The following PTPN3 variants were observed in gnomAD, a reference collection of about 807,000 sequenced individuals.
PTPN3 encodes the protein tyrosine-protein phosphatase non-receptor type 3.
In PTPN3, 96 loss-of-function variants were observed where a neutral mutation model predicts 132.7. The ratio of observed to expected loss-of-function variants is 0.72; its 90% CI spans 0.61 to 0.86. The LOEUF is 0.86. Among genes scored for constraint, PTPN3 ranks in the 40% least tolerant of loss-of-function variants. The pLI is 0.00. For synonymous variants in PTPN3, 398 were observed against 429.0 expected (o/e 0.93, Z 0.89); for missense variants, 1,125 against 1,159.6 (o/e 0.97, Z 0.43).
intron 20 of PTPN3, 68 bp from the exon 21 acceptor site, chr9:109,391,267 T>C (rs1169920956): frequency 4.7e-6 from 7 of 1,479,340 alleles, no homozygotes; most frequent in Non-Finnish European, 5.6e-6. Context: ...TAAACCAGAG[T>C]TCAGTTCCCA....
intron 2 of PTPN3, among the ~76,000 whole-genome samples, chr9:109,459,954 T>G (rs1315389652): frequency 6.6e-6 from 1 of 152,038 alleles, no homozygotes; most frequent in Non-Finnish European, 1.5e-5. Context: ...AGTTTCAAGC[T>G]TGAAATCCCA....
the PTPN3 span, among the ~76,000 whole-genome samples, chr9:109,533,215 G>T: frequency 1.5e-5 from 2 of 136,464 alleles, no homozygotes; most frequent in Admixed American, 1.7e-4. Context: ...CGCAATCTCG[G>T]CTCACTGCAA....
At chr9:109,436,862 A>C (rs1194395878) in intron 9 of PTPN3, 21 bp downstream of exon 9, 8 of 1,602,098 alleles carry the variant, frequency 5.0e-6, no homozygotes, top group Non-Finnish European at 6.8e-6. Flanking sequence ...GTTTGAGCCA[A>C]GACATAACAA....
At chr9:109,513,093 C>T in the PTPN3 span, among the ~76,000 whole-genome samples, 3 of 152,254 alleles carry the variant, frequency 2.0e-5, no homozygotes, top group Non-Finnish European at 4.4e-5. Flanking sequence ...ACTGCAGCCT[C>T]AACCTCCTGG....
chr9:109,429,116 G>T (rs951629796), intron 10 of PTPN3: 15 of 939,378 alleles, frequency 1.6e-5, no homozygotes, highest in African/African-American at 8.9e-5. Flanking sequence ...ACATTTGCAA[G>T]ATAACAGAAT....
At chr9:109,418,286 A>G (rs1169736813) in intron 14 of PTPN3, among the ~76,000 whole-genome samples, 3 of 152,224 alleles carry the variant, frequency 2.0e-5, no homozygotes, top group Non-Finnish European at 2.9e-5. Context: ...AAGGATGTAT[A>G]AAGTGTGCCG....
intron 1 of PTPN3, among the ~76,000 whole-genome samples, chr9:109,483,223 C>T (rs2132105968): frequency 6.6e-6 from 1 of 152,362 alleles, no homozygotes; most frequent in East Asian, 1.9e-4. Flanking sequence ...TATGCGAGTA[C>T]CCTTTAGACC....
Position 109,473,367 on chromosome 9 carries a change from G to A in PTPN3, c.-17-9916C>T, listed in dbSNP as rs980407583. On this transcript the variant is annotated intron_variant, in intron 1 of 25. Coordinates refer to ENST00000374541, the MANE Select transcript of PTPN3 (RefSeq NM_002829.4). ...GTAATTACTGGCCTTCTTTTCATAC[G>A]ACTTCAAAATGTCAAATAGTTTTCT... Among the ~76,000 whole-genome samples the A allele has an allele frequency of 2.0e-5, 3 of 152,132 alleles. No individual in the cohort carries two copies. The East Asian group carries it at 5.8e-4, about 29-fold the overall frequency.
chr9:109,470,195 C>T (rs371626648), intron 1 of PTPN3, among the ~76,000 whole-genome samples: 2 of 152,180 alleles, frequency 1.3e-5, no homozygotes, highest in South Asian at 2.1e-4. Context: ...CAATATTTAA[C>T]GTATTGCAGA....
chr9:109,534,466 C>A, the PTPN3 span: 5,903 of 1,146,538 alleles, frequency 5.1e-3, 25 homozygotes, highest in Non-Finnish European at 6.4e-3. Flanking sequence ...CGCTACCGAT[C>A]GAACTCTTGG....
intron 2 of PTPN3, among the ~76,000 whole-genome samples, chr9:109,458,604 A>G (rs957063585): frequency 4.6e-5 from 7 of 152,208 alleles, no homozygotes; most frequent in Non-Finnish European, 1.0e-4. Flanking sequence ...TCTTTGGGGC[A>G]GCCTCAGATT....
chr9:109,387,779 G>A (rs906051311), intron 22 of PTPN3, among the ~76,000 whole-genome samples: 1 of 152,112 alleles, frequency 6.6e-6, no homozygotes, highest in Non-Finnish European at 1.5e-5. Flanking sequence ...ACGTGTAGTA[G>A]CAAAAAATGA....
chr9:109,379,859 C>A (rs1252734576), intron 25 of PTPN3, among the ~76,000 whole-genome samples: 1 of 152,188 alleles, frequency 6.6e-6, no homozygotes, highest in Admixed American at 6.5e-5. Flanking sequence ...GAGGGAGAAA[C>A]TGGCGGTCTG....
intron 2 of PTPN3, among the ~76,000 whole-genome samples, chr9:109,460,261 C>T (rs1021700032): frequency 6.6e-6 from 1 of 152,184 alleles, no homozygotes; most frequent in Non-Finnish European, 1.5e-5. Flanking sequence ...TCAGCAAACC[C>T]TATTGACTCC....
intron 10 of PTPN3, chr9:109,429,038 A>G: frequency 1.0e-6 from 1 of 985,446 alleles, no homozygotes; most frequent in Non-Finnish European, 1.2e-6. Context: ...GGAGCAGCTG[A>G]AAGAGGACAG....
intron 19 of PTPN3, among the ~76,000 whole-genome samples, chr9:109,393,112 C>T (rs1414778283): frequency 2.0e-5 from 3 of 152,124 alleles, no homozygotes; most frequent in African/African-American, 7.2e-5. Context: ...CTAATTTGGC[C>T]GTGGAAAATC....
In PTPN3 at chr9:109,420,468, T is replaced by C. The variant is rs1350147844; in HGVS notation, c.1269A>G (p.Gln423=). The change falls in exon 14 of 26, where the codon CAA becomes CAG. Residue 423 remains glutamine (Q), a synonymous_variant. Coordinates refer to ENST00000374541, the MANE Select transcript of PTPN3 (RefSeq NM_002829.4). The part of the protein sequence containing the change: ...FYTYKGSLAP[Q]DSDSEVSQNR... ...TCTGAGAAACTTCAGAATCGCTGTCTTGAGGGGCCAGAGAGCCCTTGTACG... is the reference window on the plus strand; with the variant it reads ...TCTGAGAAACTTCAGAATCGCTGTCCTGAGGGGCCAGAGAGCCCTTGTACG... 2 of 1,612,108 alleles carry C rather than the reference T, an allele frequency of 1.2e-6. No homozygotes were observed. Among genetic ancestry groups the C allele is most frequent in the Non-Finnish European group, 1.7e-6 (2 of 1,178,606 alleles).
At chr9:109,465,706 C>CAAAA (rs34634972) in intron 1 of PTPN3, among the ~76,000 whole-genome samples, 942 of 63,516 alleles carry the variant, frequency 0.015, 26 homozygotes, top group Middle Eastern at 0.026. Context: ...AACTCTGTCT[C>CAAAA]AAAAAAAAAA....
rs1177175054 is a variant in PTPN3, at chr9:109,437,101, C to G, written c.588-131G>C. On this transcript the variant is annotated intron_variant, in intron 8 of 25. Coordinates refer to ENST00000374541, the MANE Select transcript of PTPN3 (RefSeq NM_002829.4). ...AATGCCTTATGTTATCAATCTTCAG[C>G]AATCTAATGCTAAATTCTACTAAAG... is the stretch of plus-strand genomic sequence containing the variant. 3 of 1,406,422 alleles carry G rather than the reference C, an allele frequency of 2.1e-6. No individual in the cohort carries two copies. The African/African-American group carries it at 4.3e-5, about 20-fold the overall frequency. The allele number at this position is 1,406,422 out of a possible 1,614,324, so 87.1% of individuals were successfully genotyped here.
Sources: gnomAD v4.1 joint callset for allele counts (sites outside exome capture counted in the v4.1 genomes callset) on GRCh38, gnomAD v4.1.1 for gene constraint, MANE v1.5 for transcripts, NCBI Gene and HGNC (gene_info 2026-07-23, HGNC 2026-07-21) for gene names.